Variants in BCL3 observed in about 807,000 individuals in gnomAD.
The protein encoded by BCL3 is B-cell lymphoma 3 protein.
BCL3 carries 15 observed loss-of-function variants against 35.7 expected under a neutral mutation model. The observed-to-expected ratio is 0.42, with a 90% CI of 0.28 to 0.65. The LOEUF (loss-of-function observed/expected upper bound fraction) is 0.65, where lower values mean the gene tolerates loss of function less well. Ranked by LOEUF, BCL3 falls within the 30% of genes least tolerant of loss-of-function variation. The pLI is 0.22. For synonymous variants in BCL3, 311 were observed against 284.3 expected, an observed-to-expected ratio of 1.09 and a Z score of -0.95; for missense variants, 565 against 641.7, an observed-to-expected ratio of 0.88 and a Z score of 1.29.
At chr19:44,758,542 C>G in intron 7 of BCL3, 129 bp downstream of exon 7, 2 of 1,363,574 alleles carry the variant, frequency 1.5e-6, no homozygotes, top group Non-Finnish European at 2.0e-6. Context: ...GGGTGAGCCT[C>G]TGAAAGCGCG....
Position 44,749,007 on chromosome 19 carries a change from C to T in BCL3, c.217C>T (p.Pro73Ser), listed in dbSNP as rs1156481301. Residue 73 changes from proline to serine, a missense_variant, in exon 1 of 9, where the codon CCC becomes TCC. Coordinates refer to ENST00000164227, the MANE Select transcript of BCL3 (RefSeq NM_005178.5). ...GCDLPAVPGP[P>S]HGLARPEALY... ...CGACCTGCCGGCGGTCCCCGGGCCC[C>T]CCCACGGCCTGGCCCGGCCGGAGGC... 4 of 1,385,500 alleles carry T rather than the reference C, an allele frequency of 2.9e-6. No homozygotes were observed. In the African/African-American group the frequency reaches 6.0e-5, roughly 21 times the overall value. The allele number at this position is 1,385,500 out of a possible 1,614,324, so 85.8% of individuals were successfully genotyped here. A position where few individuals can be genotyped will look rare whatever the true frequency, so the allele number is the denominator to read the frequency against.
chr19:44,759,824 C>T lies in BCL3; in HGVS notation c.*209C>T, dbSNP rs927624805. On this transcript the variant is annotated 3_prime_UTR_variant, in exon 9 of 9. Coordinates refer to ENST00000164227, the MANE Select transcript of BCL3 (RefSeq NM_005178.5). ...CTCGCTCCCTCCCAGGACTCTGACC[C>T]CAGCATTCTCAGGCACCAGTCCCTG... is the stretch of plus-strand genomic sequence containing the variant. The T allele has an allele frequency of 1.5e-5, 7 of 478,914 alleles. No homozygotes were observed. Among genetic ancestry groups the T allele is most frequent in the Non-Finnish European group, 2.6e-5 (7 of 274,422 alleles). The allele number at this position is 478,914 out of a possible 1,614,324, so 29.7% of individuals were successfully genotyped here.
chr19:44,748,549 G>T (rs531660643), upstream of BCL3: 4,664 of 286,032 alleles, frequency 0.016, 53 homozygotes, highest in Non-Finnish European at 0.022. Context: ...GCGCGGCGCG[G>T]GCGGGGCGCA....
At position 44,759,802 on chromosome 19, in the gene BCL3, G is replaced by T. The variant is rs1599845715; in HGVS notation, c.*187G>T. The T allele has an allele frequency of 5.9e-6, 3 of 504,788 alleles. No homozygotes were observed. In the East Asian group the frequency reaches 1.1e-4, roughly 18 times the overall value. The allele number at this position is 504,788 out of a possible 1,614,324, so 31.3% of individuals were successfully genotyped here. A position where few individuals can be genotyped will look rare whatever the true frequency, so the allele number is the denominator to read the frequency against. ...CTGAGCACAGATGTTCCCCCATCTC[G>T]CTCCCTCCCAGGACTCTGACCCCAG... On this transcript the variant is annotated 3_prime_UTR_variant, in exon 9 of 9. Coordinates refer to ENST00000164227, the MANE Select transcript of BCL3 (RefSeq NM_005178.5).
upstream of BCL3, chr19:44,748,672 C>G (rs1271258065): frequency 1.2e-5 from 12 of 1,040,544 alleles, no homozygotes; most frequent in Non-Finnish European, 1.4e-5. Context: ...CGGCACCGCC[C>G]CGGCCGACAA....
intron 2 of BCL3, 44 bp downstream of exon 2, chr19:44,751,424 C>A: frequency 6.6e-7 from 1 of 1,512,664 alleles, no homozygotes; most frequent in Non-Finnish European, 8.8e-7. Context: ...GTTGGGAAGA[C>A]CAGCCGTCCA....
At chr19:44,758,515 G>A (rs1414309053) in intron 7 of BCL3, 102 bp downstream of exon 7, 3 of 1,440,640 alleles carry the variant, frequency 2.1e-6, no homozygotes, top group Non-Finnish European at 2.8e-6. Flanking sequence ...TGTCTGTGCC[G>A]TTGCGTGGAG....
chr19:44,747,943 C>A, upstream of BCL3: 4 of 1,232,032 alleles, frequency 3.2e-6, no homozygotes, highest in Non-Finnish European at 4.2e-6. Context: ...CCTCACCCCA[C>A]CCCCAGCCCC....
chr19:44,759,310 C>G, intron 8 of BCL3, 118 bp from the exon 9 acceptor site: 1 of 700,362 alleles, frequency 1.4e-6, no homozygotes, highest in African/African-American at 2.2e-5. Flanking sequence ...CCTCCTCCCT[C>G]AGACCCGAGT....
chr19:44,759,402 C>T (rs376583406), intron 8 of BCL3, 26 bp from the exon 9 acceptor site: 5 of 1,565,826 alleles, frequency 3.2e-6, no homozygotes, highest in Non-Finnish European at 4.4e-6. Flanking sequence ...TCACCACCCA[C>T]CCCTCTGTCT....
intron 2 of BCL3, among the ~76,000 whole-genome samples, chr19:44,753,671 C>T (rs1455157265): frequency 6.6e-6 from 1 of 151,874 alleles, no homozygotes. Context: ...GCGAGGAGGG[C>T]GGGGGACGCT....
At position 44,759,845 on chromosome 19, in the gene BCL3, C is replaced by T. The variant is rs566234679; in HGVS notation, c.*230C>T. 16 of 460,024 alleles carry T rather than the reference C, an allele frequency of 3.5e-5. No individual in the cohort carries two copies. Among genetic ancestry groups the T allele is most frequent in the African/African-American group, 3.1e-4 (15 of 49,088 alleles). The allele number at this position is 460,024 out of a possible 1,614,324, so 28.5% of individuals were successfully genotyped here. A position where few individuals can be genotyped will look rare whatever the true frequency, so the allele number is the denominator to read the frequency against. The stretch of plus-strand genomic sequence containing the variant: ...GACCCCAGCATTCTCAGGCACCAGT[C>T]CCTGTCCGGAATGCCACCCACATCT... On this transcript the variant is annotated 3_prime_UTR_variant, in exon 9 of 9. Coordinates refer to ENST00000164227, the MANE Select transcript of BCL3 (RefSeq NM_005178.5).
intron 2 of BCL3, chr19:44,755,009 G>A (rs982978948): frequency 1.3e-5 from 2 of 152,294 alleles, no homozygotes; most frequent in African/African-American, 2.4e-5. Flanking sequence ...CAAGAGAAAC[G>A]GGTGCTGGTG....
chr19:44,756,234 C>T lies in BCL3; in HGVS notation c.413C>T (p.Pro138Leu). Reference protein sequence around the residue: ...ATRADEDGDTPLHIAVVQGNL... With the variant: ...ATRADEDGDTLLHIAVVQGNL... Reference sequence around the variant, plus strand: ...TTCCTTCACTCCCCCACCCCCAGGCCTCTCCATATTGCTGTGGTGCAGGGT... The same window carrying T: ...TTCCTTCACTCCCCCACCCCCAGGCTTCTCCATATTGCTGTGGTGCAGGGT... Residue 138 changes from proline (P) to leucine (L), a missense_variant and splice_region_variant, in exon 3 of 9, where the codon CCT (proline) becomes CTT (leucine). This residue lies in a region of BCL3 where 267 missense variants were observed against 281.5 expected (regional missense o/e 0.95). Transcript: ENST00000164227. 6.7e-7 allele frequency: 1 copy of T among 1,489,956 alleles called. No homozygotes were observed. Among genetic ancestry groups the T allele is most frequent in the South Asian group, 1.3e-5 (1 of 74,848 alleles). The allele number at this position is 1,489,956 out of a possible 1,614,324, so 92.3% of individuals were successfully genotyped here.
Position 44,757,773 on chromosome 19 carries a change from A to C in BCL3, c.891+50A>C. The C allele has an allele frequency of 1.3e-6, 2 of 1,566,232 alleles. No individual in the cohort carries two copies. Among genetic ancestry groups the C allele is most frequent in the Non-Finnish European group, 8.8e-7 (1 of 1,140,902 alleles). ...GCGCCCACCCTATCCTCTGACCCCA[A>C]CCCGGCTCTGGCCTCAGCCCCTAGC... On this transcript the variant is annotated intron_variant, in intron 6 of 8. Coordinates refer to ENST00000164227, the MANE Select transcript of BCL3 (RefSeq NM_005178.5). The surrounding 1 kb of genome is among the most constrained non-coding windows in gnomAD (Gnocchi z 8.4).
upstream of BCL3, chr19:44,747,732 G>A: frequency 1.2e-6 from 1 of 830,538 alleles, no homozygotes; most frequent in Non-Finnish European, 1.5e-6. Flanking sequence ...TGCAGCACCG[G>A]CCTCGGTCGC....
intron 2 of BCL3, among the ~76,000 whole-genome samples, chr19:44,754,404 G>A (rs761440114): frequency 7.2e-5 from 11 of 152,100 alleles, no homozygotes; most frequent in Non-Finnish European, 1.5e-4. Flanking sequence ...CGCCCCATTC[G>A]AGGATGGAAG....
At chr19:44,753,301 C>A (rs954315484) in intron 2 of BCL3, among the ~76,000 whole-genome samples, 1 of 152,188 alleles carries the variant, frequency 6.6e-6, no homozygotes, top group East Asian at 1.9e-4. Flanking sequence ...AGTCTCTGCC[C>A]CCAGTGGTGA....
At chr19:44,749,979 C>T (rs1046919946) in intron 1 of BCL3, among the ~76,000 whole-genome samples, 5 of 152,192 alleles carry the variant, frequency 3.3e-5, no homozygotes, top group African/African-American at 1.2e-4. Context: ...ACACACTCTT[C>T]TCTCCATCCT....
Sources: gnomAD v4.1 joint callset for allele counts (sites outside exome capture counted in the v4.1 genomes callset) on GRCh38, gnomAD v4.1.1 for gene constraint, gnomAD v4.1.1 regional missense constraint, Gnocchi (gnomAD v3.1) non-coding constraint, MANE v1.5 for transcripts, NCBI Gene and HGNC (gene_info 2026-07-23, HGNC 2026-07-21) for gene names.